The following MAEA variants were observed in gnomAD, a reference collection of about 807,000 sequenced individuals.
MAEA encodes macrophage erythroblast attacher, E3 ubiquitin ligase.
In MAEA, 22 loss-of-function variants were observed where a neutral mutation model predicts 46.2. That is an observed-to-expected ratio of 0.48 (90% CI 0.34 to 0.68). The LOEUF is 0.68. Ranked by LOEUF, MAEA falls within the 30% of genes least tolerant of loss-of-function variation. MAEA has a pLI of 0.01. For missense variants in MAEA, 393 were observed against 558.1 expected (o/e 0.70, Z 2.98); for synonymous variants, 246 against 222.6 (o/e 1.11, Z -0.94).
At chr4:1,306,935 G>A (rs1735889960) in intron 1 of MAEA, among the ~76,000 whole-genome samples, 1 of 152,116 alleles carries the variant, frequency 6.6e-6, no homozygotes. Flanking sequence ...ACTGTCCTTC[G>A]CCTCAGTTGC....
intron 1 of MAEA, among the ~76,000 whole-genome samples, chr4:1,295,240 C>T (rs918972021): frequency 6.6e-6 from 1 of 152,190 alleles, no homozygotes. Flanking sequence ...ACCCAGGCAT[C>T]GCAAAGCACA....
At chr4:1,314,200 G>A (rs373649798) in intron 2 of MAEA, among the ~76,000 whole-genome samples, 17 of 150,346 alleles carry the variant, frequency 1.1e-4, no homozygotes, top group East Asian at 6.0e-4. Context: ...CATGGTGTAC[G>A]CCTGTGGTCC....
At position 1,311,880 on chromosome 4, in the gene MAEA, T is replaced by G; in HGVS notation, c.70-99T>G. ...CCATGAACCTTCTGAGACTTCTGCC[T>G]CTACAAGTGCCATGAGGAGACCTGG... On this transcript the variant is annotated intron_variant, in intron 1 of 8. Coordinates refer to ENST00000303400, the MANE Select transcript of MAEA (RefSeq NM_001017405.3). This position sits in a 1 kb window ranked among gnomAD's most constrained non-coding sequence, Gnocchi z 4.4. 9.4e-7 allele frequency: 1 copy of G among 1,058,756 alleles called. No homozygotes were observed. Among genetic ancestry groups the G allele is most frequent in the South Asian group, 1.6e-5 (1 of 64,236 alleles). The allele number at this position is 1,058,756 out of a possible 1,614,324, so 65.6% of individuals were successfully genotyped here.
rs746008067 is a variant in MAEA at position 1,332,809 on chromosome 4, C to T, written c.709C>T (p.Arg237Cys). The change falls in exon 6 of 9, where the codon CGC becomes TGC. Residue 237 changes from arginine (R) to cysteine (C), a missense_variant. This residue lies in a region of MAEA where 358 missense variants were observed against 537.9 expected (regional missense o/e 0.67). Coordinates refer to ENST00000303400, the MANE Select transcript of MAEA (RefSeq NM_001017405.3). ...QAEGSQLDEV[R>C]QAMGMLAFPP... ...AGAAGGGAGCCAGCTGGACGAGGTG[C>T]GCCAGGCCATGGGCATGCTGGCCTT... 44 of 1,613,120 alleles carry T rather than the reference C, an allele frequency of 2.7e-5. No individual in the cohort carries two copies. The highest frequency in any genetic ancestry group is 4.4e-5 in the South Asian group (4 of 91,032).
At chr4:1,297,234 C>T (rs1734823637) in intron 1 of MAEA, among the ~76,000 whole-genome samples, 1 of 152,232 alleles carries the variant, frequency 6.6e-6, no homozygotes, top group African/African-American at 2.4e-5. Context: ...CGGAGGTTTT[C>T]TCGATTTCTG....
chr4:1,338,790 CTG>C (rs1713150809), intron 8 of MAEA, 173 bp downstream of exon 8: 4 of 751,846 alleles, frequency 5.3e-6, no homozygotes, highest in Middle Eastern at 3.5e-4. Context: ...CGGGACAGGG[CTG>C]TGTGGGGCGG....
In MAEA at chr4:1,289,935, G is replaced by A. The variant is rs1282574958; in HGVS notation, c.22G>A (p.Ala8Thr). 1 of 1,601,540 alleles carries A rather than the reference G, an allele frequency of 6.2e-7. No individual in the cohort carries two copies. The highest frequency in any genetic ancestry group is 1.3e-5 in the African/African-American group (1 of 74,524). Residue 8 changes from alanine to threonine, a missense_variant, in exon 1 of 9, where the codon GCT (alanine) becomes ACT (threonine). Coordinates refer to ENST00000303400, the MANE Select transcript of MAEA (RefSeq NM_001017405.3). MAVQESAAQLSMTLKVQE... is the reference protein window; with the variant it reads MAVQESATQLSMTLKVQE... ...CAAGATGGCGGTGCAGGAGTCGGCG[G>A]CTCAGTTGTCCATGACCCTGAAGGT...
chr4:1,292,439 A>T (rs73069970), intron 1 of MAEA, among the ~76,000 whole-genome samples: 23,390 of 151,984 alleles, frequency 0.15, 3,461 homozygotes, highest in East Asian at 0.42. Context: ...AAGAGAATGG[A>T]ACAGACGTGA....
At chr4:1,330,582 TG>T (rs1711635203) in intron 5 of MAEA, 1 of 152,222 alleles carries the variant, frequency 6.6e-6, no homozygotes, top group Non-Finnish European at 1.5e-5. Context: ...CCCAAAGTGC[TG>T]GGATTACAGG....
At chr4:1,329,620 G>T (rs536319294) in intron 5 of MAEA, 143 of 985,536 alleles carry the variant, frequency 1.5e-4, no homozygotes, top group Non-Finnish European at 1.6e-4. Context: ...GGTTCTCCAG[G>T]TGCCAGGGCC....
Position 1,335,317 on chromosome 4 carries a change from C to A in MAEA, c.766-1544C>A, listed in dbSNP as rs563719593. 3 of 985,510 alleles carry A rather than the reference C, an allele frequency of 3.0e-6. No homozygotes were observed. In the Admixed American group the frequency reaches 1.8e-4, roughly 60 times the overall value. The allele number at this position is 985,510 out of a possible 1,614,324, so 61.0% of individuals were successfully genotyped here. On this transcript the variant is annotated intron_variant, in intron 6 of 8. Transcript: ENST00000303400. ...AGCTGTGTGAGTCTATTTTTTGTCA[C>A]AGTGCACAGGTTGCACACATTCCAG...
intron 6 of MAEA, chr4:1,335,361 C>G: frequency 2.0e-6 from 2 of 985,494 alleles, no homozygotes; most frequent in Non-Finnish European, 2.4e-6. Context: ...AGTTGATTCA[C>G]AAGTGAGTGT....
intron 1 of MAEA, among the ~76,000 whole-genome samples, chr4:1,308,112 G>A (rs1193260392): frequency 6.6e-6 from 1 of 151,790 alleles, no homozygotes; most frequent in East Asian, 1.9e-4. Context: ...TGGTGTGGCT[G>A]CTGCACGCCC....
chr4:1,317,921 C>A (rs561437650), intron 3 of MAEA, among the ~76,000 whole-genome samples: 15 of 152,324 alleles, frequency 9.8e-5, no homozygotes, highest in African/African-American at 3.6e-4. Flanking sequence ...ATGCCTCTGC[C>A]GTGCTGCCCA....
At chr4:1,290,093 GGCGCGGCCTC>G in intron 1 of MAEA, 111 bp downstream of exon 1, 1 of 713,590 alleles carries the variant, frequency 1.4e-6, no homozygotes, top group Non-Finnish European at 1.9e-6. Flanking sequence ...GCGGGAGCTG[GGCGCGGCCTC>G]GCGGGGCCGT....
chr4:1,320,999 C>G, intron 3 of MAEA, among the ~76,000 whole-genome samples: 1 of 152,228 alleles, frequency 6.6e-6, no homozygotes, highest in East Asian at 1.9e-4. Flanking sequence ...ACCCGGGAGG[C>G]CAAGGCAGGA....
At chr4:1,327,507 T>A (rs927437104) in intron 4 of MAEA, 120 bp from the exon 5 acceptor site, 2 of 762,256 alleles carry the variant, frequency 2.6e-6, no homozygotes, top group African/African-American at 1.7e-5. Flanking sequence ...CCCGTGCCTG[T>A]GAGAGAGGGG....
intron 3 of MAEA, among the ~76,000 whole-genome samples, chr4:1,321,626 C>T (rs1253271785): frequency 6.6e-6 from 1 of 152,170 alleles, no homozygotes; most frequent in Non-Finnish European, 1.5e-5. Context: ...GCCGTTGGGT[C>T]CTGGGCTATG....
At chr4:1,291,186 C>A (rs1400301435) in intron 1 of MAEA, among the ~76,000 whole-genome samples, 1 of 152,114 alleles carries the variant, frequency 6.6e-6, no homozygotes, top group Admixed American at 6.6e-5. Context: ...TAAAAAGAAA[C>A]GGGGTTTCAC....
Sources: gnomAD v4.1 joint callset for allele counts (sites outside exome capture counted in the v4.1 genomes callset) on GRCh38, gnomAD v4.1.1 for gene constraint, gnomAD v4.1.1 regional missense constraint, Gnocchi (gnomAD v3.1) non-coding constraint, MANE v1.5 for transcripts, NCBI Gene and HGNC (gene_info 2026-07-23, HGNC 2026-07-21) for gene names.